BNC2: variants seen among roughly 807,000 people sequenced by gnomAD.
The protein encoded by BNC2 is zinc finger protein basonuclin-2.
A neutral mutation model predicts 76.3 loss-of-function variants in BNC2; 20 were observed. The ratio of observed to expected loss-of-function variants is 0.26; its 90% CI spans 0.18 to 0.38. The LOEUF (loss-of-function observed/expected upper bound fraction) is 0.38, where lower values mean the gene tolerates loss of function less well. BNC2 is among the 10% of genes least tolerant of loss of function. The pLI is 1.00. For synonymous variants in BNC2, 582 were observed against 514.8 expected (o/e 1.13, Z -1.77); for missense variants, 1,382 against 1,399.8 (o/e 0.99, Z 0.20).
At chr9:16,690,964 G>T (rs2134416041) in intron 3 of BNC2, among the ~76,000 whole-genome samples, 1 of 152,274 alleles carries the variant, frequency 6.6e-6, no homozygotes, top group South Asian at 2.1e-4. Flanking sequence ...GGGGTGAGCT[G>T]CCAAAGAACA....
chr9:16,553,683 G>A (rs143852226), intron 4 of BNC2, among the ~76,000 whole-genome samples: 15 of 152,136 alleles, frequency 9.9e-5, no homozygotes, highest in African/African-American at 3.4e-4. Context: ...TTCAACAATT[G>A]GGTGCTTTTT....
intron 5 of BNC2, among the ~76,000 whole-genome samples, chr9:16,455,793 C>CAAA (rs34195206): frequency 2.1e-5 from 3 of 141,588 alleles, no homozygotes; most frequent in African/African-American, 7.6e-5. Context: ...ACTCCATCTC[C>CAAA]AAAAAAAAAA....
intron 3 of BNC2, among the ~76,000 whole-genome samples, chr9:16,649,590 A>C (rs937210564): frequency 1.3e-5 from 2 of 152,140 alleles, no homozygotes; most frequent in African/African-American, 4.8e-5. Context: ...GGGATTAAAA[A>C]ACCATCAGTG....
chr9:16,746,939 G>A (rs1825026977), intron 1 of BNC2, among the ~76,000 whole-genome samples: 1 of 147,380 alleles, frequency 6.8e-6, no homozygotes, highest in East Asian at 2.0e-4. Flanking sequence ...TCCAGCCTGG[G>A]TGACAGAGCA....
intron 5 of BNC2, among the ~76,000 whole-genome samples, chr9:16,440,263 T>C (rs939206043): frequency 8.5e-5 from 13 of 152,288 alleles, no homozygotes; most frequent in African/African-American, 2.9e-4. Flanking sequence ...GTTTAGAGTG[T>C]GTCCACAGTA....
chr9:16,800,068 T>C (rs1366104927), intron 1 of BNC2, among the ~76,000 whole-genome samples: 3 of 151,724 alleles, frequency 2.0e-5, no homozygotes, highest in Non-Finnish European at 4.4e-5. Flanking sequence ...CTACTAAAAA[T>C]ACAAAAATTA....
intron 5 of BNC2, among the ~76,000 whole-genome samples, chr9:16,518,019 T>C (rs1431722699): frequency 6.6e-6 from 1 of 152,212 alleles, no homozygotes; most frequent in Non-Finnish European, 1.5e-5. Flanking sequence ...GCCTACCAGT[T>C]GCATCTTGAG....
chr9:16,521,781 C>T (rs1402292582), intron 5 of BNC2, among the ~76,000 whole-genome samples: 1 of 152,090 alleles, frequency 6.6e-6, no homozygotes, highest in Non-Finnish European at 1.5e-5. Context: ...CTAATTTTAC[C>T]TTAAATGGAG....
chr9:16,487,772 A>G (rs1822195587), intron 5 of BNC2, among the ~76,000 whole-genome samples: 1 of 152,324 alleles, frequency 6.6e-6, no homozygotes, highest in Middle Eastern at 3.4e-3. Context: ...TCAGAAATAA[A>G]CATTTCTCTG....
chr9:16,663,907 T>C (rs1051817410), intron 3 of BNC2, among the ~76,000 whole-genome samples: 1 of 152,206 alleles, frequency 6.6e-6, no homozygotes. Flanking sequence ...GAAACTTGCC[T>C]AGAGTCTACC....
intron 3 of BNC2, among the ~76,000 whole-genome samples, chr9:16,692,235 C>A (rs1823195322): frequency 6.6e-6 from 1 of 152,186 alleles, no homozygotes; most frequent in South Asian, 2.1e-4. Flanking sequence ...AATACATTGT[C>A]AACTCTGACA....
intron 3 of BNC2, among the ~76,000 whole-genome samples, chr9:16,711,129 C>T (rs951438883): frequency 6.6e-6 from 1 of 152,098 alleles, no homozygotes; most frequent in Non-Finnish European, 1.5e-5. Context: ...TCTCCTATAC[C>T]AGTGACAGCT....
chr9:16,540,943 T>C (rs1359229830), intron 5 of BNC2, among the ~76,000 whole-genome samples: 1 of 152,232 alleles, frequency 6.6e-6, no homozygotes, highest in South Asian at 2.1e-4. Flanking sequence ...TCCAGGGTTC[T>C]TACTCGCCCT....
intron 5 of BNC2, among the ~76,000 whole-genome samples, chr9:16,452,047 C>A (rs949484362): frequency 6.6e-6 from 1 of 152,164 alleles, no homozygotes; most frequent in Non-Finnish European, 1.5e-5. Flanking sequence ...TGGTCGAGTG[C>A]TTTTCCTAAA....
chr9:16,424,221 T>G (rs1450010417), intron 6 of BNC2, among the ~76,000 whole-genome samples: 1 of 151,352 alleles, frequency 6.6e-6, no homozygotes, highest in African/African-American at 2.4e-5. Flanking sequence ...GAAAGTGTTT[T>G]GAGGTTTTAA....
intron 5 of BNC2, among the ~76,000 whole-genome samples, chr9:16,512,239 G>C (rs7028503): frequency 0.11 from 16,850 of 152,134 alleles, 1,262 homozygotes; most frequent in East Asian, 0.29. Flanking sequence ...ATTCTATTCT[G>C]TCAAATAGAA....
intron 3 of BNC2, among the ~76,000 whole-genome samples, chr9:16,696,604 C>T (rs1421041559): frequency 2.0e-5 from 3 of 152,186 alleles, no homozygotes; most frequent in Non-Finnish European, 4.4e-5. Flanking sequence ...CAAGAACTAA[C>T]TTATTTCTCT....
chr9:16,766,402 C>A (rs1825695901), intron 1 of BNC2, among the ~76,000 whole-genome samples: 1 of 152,108 alleles, frequency 6.6e-6, no homozygotes, highest in Admixed American at 6.5e-5. Flanking sequence ...GACTGATTTT[C>A]AGGATGCTTA....
chr9:16,561,151 A>G (rs544362483), intron 4 of BNC2, among the ~76,000 whole-genome samples: 67 of 152,136 alleles, frequency 4.4e-4, no homozygotes, highest in African/African-American at 1.2e-3. Context: ...AGATAGGAGA[A>G]TCTCTTGAAC....
Sources: gnomAD v4.1 joint callset for allele counts (sites outside exome capture counted in the v4.1 genomes callset) on GRCh38, gnomAD v4.1.1 for gene constraint, MANE v1.5 for transcripts, NCBI Gene and HGNC (gene_info 2026-07-23, HGNC 2026-07-21) for gene names.